Variants in CLVS1 observed in about 807,000 individuals in gnomAD.
The protein encoded by CLVS1 is clavesin 1.
A neutral mutation model predicts 33.1 loss-of-function variants in CLVS1; 10 were observed. That is an observed-to-expected ratio of 0.30 (90% CI 0.19 to 0.51). CLVS1 has a LOEUF of 0.51. Ranked by LOEUF, CLVS1 falls within the 20% of genes least tolerant of loss-of-function variation. The pLI is 0.97. For synonymous variants in CLVS1, 163 were observed against 166.1 expected, an observed-to-expected ratio of 0.98 and a Z score of 0.14; for missense variants, 343 against 433.4, an observed-to-expected ratio of 0.79 and a Z score of 1.85.
rs116167186 is a variant in CLVS1 at position 61,436,080 on chromosome 8, C to T, written c.631-18061C>T. Among the ~76,000 whole-genome samples the T allele has an allele frequency of 9.6e-3, 1,457 of 152,254 alleles. 16 individuals carry two copies. Among genetic ancestry groups the T allele is most frequent in the African/African-American group, 0.033 (1,371 of 41,532 alleles). On this transcript the variant is annotated intron_variant, in intron 3 of 5. Transcript: ENST00000325897. ...TGCAGCCTGCTTTCTCATATAATGT[C>T]AGCTCATAATTTAGACAGCCTACAA...
Position 61,299,945 on chromosome 8 carries a change from C to T in CLVS1, c.118C>T (p.Leu40=). The T allele has an allele frequency of 6.2e-7, 1 of 1,614,016 alleles. No individual in the cohort carries two copies. The highest frequency in any genetic ancestry group is 8.5e-7 in the Non-Finnish European group (1 of 1,179,978). ...LSPETIEKAR[L]ELNENPDVLH... is the part of the protein sequence containing the mutation. Reference sequence around the variant, plus strand: ...TCCAGAGACTATAGAGAAAGCTCGCCTGGAACTGAATGAAAACCCCGATGT... The same window carrying T: ...TCCAGAGACTATAGAGAAAGCTCGCTTGGAACTGAATGAAAACCCCGATGT... Residue 40 remains leucine (L), a synonymous_variant, in exon 2 of 6, where the codon CTG becomes TTG. Transcript: ENST00000325897.
chr8:61,431,444 A>G (rs2129605473), intron 3 of CLVS1, among the ~76,000 whole-genome samples: 1 of 152,260 alleles, frequency 6.6e-6, no homozygotes, highest in South Asian at 2.1e-4. Context: ...ACTGTGCAGC[A>G]CTTACTATGG....
chr8:61,343,631 G>A (rs1027462303), intron 2 of CLVS1, among the ~76,000 whole-genome samples: 2 of 152,164 alleles, frequency 1.3e-5, no homozygotes, highest in African/African-American at 4.8e-5. Context: ...AAAAATGTTA[G>A]CCTAAAGTCA....
chr8:61,146,567 T>G (rs1260548121), intron 2 of CLVS1, among the ~76,000 whole-genome samples: 2 of 152,176 alleles, frequency 1.3e-5, no homozygotes. Context: ...TGAGTGACAT[T>G]TAGGGAACCA....
intron 2 of CLVS1, among the ~76,000 whole-genome samples, chr8:61,138,844 T>C (rs1806244996): frequency 6.6e-6 from 1 of 152,254 alleles, no homozygotes. Flanking sequence ...AATCTTGCAT[T>C]CACCCCAGGT....
At chr8:61,275,857 A>T (rs1396570975) in intron 2 of CLVS1, among the ~76,000 whole-genome samples, 1 of 152,208 alleles carries the variant, frequency 6.6e-6, no homozygotes, top group African/African-American at 2.4e-5. Context: ...TTTAGAAATT[A>T]TTCTCTCTTA....
intron 2 of CLVS1, among the ~76,000 whole-genome samples, chr8:61,324,554 A>C (rs1811310493): frequency 6.6e-6 from 1 of 152,170 alleles, no homozygotes; most frequent in Non-Finnish European, 1.5e-5. Context: ...ATACCAAAAA[A>C]TGTGGAAGTG....
the CLVS1 span, among the ~76,000 whole-genome samples, chr8:60,974,078 T>G: frequency 6.6e-6 from 1 of 152,232 alleles, no homozygotes; most frequent in African/African-American, 2.4e-5. Context: ...AAAGGGGAAA[T>G]TTTATGTTTT....
intron 2 of CLVS1, among the ~76,000 whole-genome samples, chr8:61,334,004 C>T (rs1315079302): frequency 6.6e-6 from 1 of 152,196 alleles, no homozygotes; most frequent in African/African-American, 2.4e-5. Context: ...CCTCCAGCTC[C>T]ATCCATGTCC....
chr8:61,393,948 T>C (rs1814410041), intron 3 of CLVS1, among the ~76,000 whole-genome samples: 1 of 152,204 alleles, frequency 6.6e-6, no homozygotes, highest in Non-Finnish European at 1.5e-5. Context: ...TTGCAGGCAA[T>C]GGAATTGCCT....
chr8:61,037,919 G>T, the CLVS1 span, among the ~76,000 whole-genome samples: 7,045 of 152,242 alleles, frequency 0.046, 527 homozygotes, highest in African/African-American at 0.16. Context: ...GCTCTGGCAG[G>T]GTGGTCAGGG....
chr8:61,209,371 T>C (rs1364554536), intron 2 of CLVS1, among the ~76,000 whole-genome samples: 1 of 152,198 alleles, frequency 6.6e-6, no homozygotes, highest in Non-Finnish European at 1.5e-5. Flanking sequence ...ATTGTCACAT[T>C]TTTACATTTT....
At chr8:61,059,911 GC>G (rs1485103934) in intron 1 of CLVS1, among the ~76,000 whole-genome samples, 1 of 152,112 alleles carries the variant, frequency 6.6e-6, no homozygotes, top group Non-Finnish European at 1.5e-5. Flanking sequence ...GAGTAGAAGG[GC>G]AGATGTGAAG....
At chr8:61,118,056 T>C (rs1267144072) in intron 1 of CLVS1, among the ~76,000 whole-genome samples, 4 of 152,136 alleles carry the variant, frequency 2.6e-5, no homozygotes, top group Non-Finnish European at 5.9e-5. Flanking sequence ...CAGATCCTGT[T>C]ATTGGTCTAT....
chr8:61,104,971 G>A (rs2129287183), intron 1 of CLVS1, among the ~76,000 whole-genome samples: 1 of 152,126 alleles, frequency 6.6e-6, no homozygotes, highest in East Asian at 1.9e-4. Flanking sequence ...TGAGATTACA[G>A]GCACCCACCA....
chr8:61,262,549 G>A (rs889153818), intron 2 of CLVS1, among the ~76,000 whole-genome samples: 16 of 152,072 alleles, frequency 1.1e-4, no homozygotes, highest in African/African-American at 3.9e-4. Context: ...GAATTGAGAA[G>A]GTTTTTTATT....
In CLVS1 at chr8:61,152,891, T is replaced by C. The variant is rs1806568797; in HGVS notation, c.-152+21031T>C. ...AAAATGGTGAGTAGTAGATTAGGAATAGGTCAAGTGCAGTGCCTCACACCT... is the reference window on the plus strand; with the variant it reads ...AAAATGGTGAGTAGTAGATTAGGAACAGGTCAAGTGCAGTGCCTCACACCT... On this transcript the variant is annotated intron_variant, in intron 2 of 2. Transcript: ENST00000522621. Among the ~76,000 whole-genome samples the C allele has an allele frequency of 2.6e-5, 4 of 152,272 alleles. No homozygotes were observed. The South Asian group carries it at 8.3e-4, about 32-fold the overall frequency.
the CLVS1 span, among the ~76,000 whole-genome samples, chr8:60,990,976 G>T: frequency 6.6e-6 from 1 of 152,204 alleles, no homozygotes; most frequent in Non-Finnish European, 1.5e-5. Context: ...CCTCCAAAGT[G>T]CTGAGATTAC....
intron 3 of CLVS1, among the ~76,000 whole-genome samples, chr8:61,399,056 G>A (rs1007286648): frequency 1.3e-5 from 2 of 152,016 alleles, no homozygotes; most frequent in Admixed American, 1.3e-4. Context: ...CATTCCTTTG[G>A]GTATATACCC....
Sources: gnomAD v4.1 joint callset for allele counts (sites outside exome capture counted in the v4.1 genomes callset) on GRCh38, gnomAD v4.1.1 for gene constraint, MANE v1.5 for transcripts, NCBI Gene and HGNC (gene_info 2026-07-23, HGNC 2026-07-21) for gene names.